ANK1: variants seen among roughly 807,000 people sequenced by gnomAD.
ANK1 encodes the protein ankyrin 1.
A neutral mutation model predicts 210.4 loss-of-function variants in ANK1; 51 were observed. The observed-to-expected ratio is 0.24, with a 90% CI of 0.19 to 0.31. The LOEUF (loss-of-function observed/expected upper bound fraction) is 0.31. ANK1 is among the 10% of genes least tolerant of loss of function. The pLI is 1.00. For synonymous variants in ANK1, 967 were observed against 1,025.9 expected, an observed-to-expected ratio of 0.94 and a Z score of 1.10; for missense variants, 2,051 against 2,504.4, an observed-to-expected ratio of 0.82 and a Z score of 3.86.
intron 1 of ANK1, among the ~76,000 whole-genome samples, chr8:41,815,066 A>G (rs931111905): frequency 1.3e-5 from 2 of 152,234 alleles, no homozygotes; most frequent in African/African-American, 4.8e-5. Flanking sequence ...TACCAATATC[A>G]AAAGGTTTAA....
intron 1 of ANK1, among the ~76,000 whole-genome samples, chr8:41,875,235 T>G (rs1460742717): frequency 1.3e-5 from 2 of 152,172 alleles, no homozygotes; most frequent in East Asian, 3.9e-4. Context: ...CAGGAGACCC[T>G]AAAGACTCTG....
At chr8:41,733,325 G>A (rs1348572596) in intron 3 of ANK1, among the ~76,000 whole-genome samples, 6 of 152,142 alleles carry the variant, frequency 3.9e-5, no homozygotes, top group Admixed American at 3.9e-4. Context: ...AAGACTTGCT[G>A]GAGAAGGAGA....
chr8:41,890,681 C>T (rs1008731544), intron 1 of ANK1, among the ~76,000 whole-genome samples: 1 of 146,152 alleles, frequency 6.8e-6, no homozygotes, highest in Non-Finnish European at 1.5e-5. Context: ...TATACTCCAG[C>T]CTGGGTGACA....
At position 41,672,398 on chromosome 8, in the gene ANK1, T is replaced by C. The variant is rs1209256239; in HGVS notation, c.5052A>G (p.Thr1684=). 9 of 1,614,192 alleles carry C rather than the reference T, an allele frequency of 5.6e-6. No individual in the cohort carries two copies. The South Asian group carries it at 6.6e-5, about 12-fold the overall frequency. ...SGHQRGQARI[T]HSPTVSQVTE... is the part of the protein sequence containing the mutation. ...TCACCTGACTCACGGTGGGGGAATGTGTGATTCGGGCTTGCCCCCTCTGAT... is the reference window on the plus strand; with the variant it reads ...TCACCTGACTCACGGTGGGGGAATGCGTGATTCGGGCTTGCCCCCTCTGAT... The change falls in exon 38 of 43, where the codon ACA becomes ACG. Residue 1684 remains threonine, a synonymous_variant. Coordinates refer to ENST00000289734, the MANE Select transcript of ANK1 (RefSeq NM_000037.4).
chr8:41,696,972 C>T (rs1052600818), intron 24 of ANK1, among the ~76,000 whole-genome samples, 199 bp from the exon 25 acceptor site: 2 of 152,190 alleles, frequency 1.3e-5, no homozygotes, highest in African/African-American at 4.8e-5. Flanking sequence ...CTCCCACCTC[C>T]ATGCCTCTCC....
chr8:41,658,579 T>C (rs1806580816), intron 42 of ANK1, among the ~76,000 whole-genome samples: 1 of 152,182 alleles, frequency 6.6e-6, no homozygotes, highest in Non-Finnish European at 1.5e-5. Flanking sequence ...CCATTTGCCA[T>C]AGCTCTGTTC....
intron 1 of ANK1, among the ~76,000 whole-genome samples, chr8:41,825,128 A>T (rs552138777): frequency 1.3e-5 from 2 of 152,340 alleles, no homozygotes; most frequent in Non-Finnish European, 2.9e-5. Context: ...GGAAACAGGA[A>T]CTTCGGCCGC....
Position 41,694,865 on chromosome 8 carries a change from G to A in ANK1, c.3116-62C>T, listed in dbSNP as rs1217144999. ...TCAGGCACAGGTTCAGGACTTCCAG[G>A]GGCCCCAGAGTCTCCTTGTCCCCAA... is the stretch of plus-strand genomic sequence containing the variant. On this transcript the variant is annotated intron_variant, in intron 27 of 42. Transcript: ENST00000289734. This position sits in a 1 kb window ranked among gnomAD's most constrained non-coding sequence, Gnocchi z 5.7. 1 of 1,550,076 alleles carries A rather than the reference G, an allele frequency of 6.5e-7. No homozygotes were observed. The highest frequency in any genetic ancestry group is 1.7e-5 in the Admixed American group (1 of 57,712).
chr8:41,718,987 G>T (rs1363300933), intron 10 of ANK1, among the ~76,000 whole-genome samples: 1 of 152,254 alleles, frequency 6.6e-6, no homozygotes, highest in Non-Finnish European at 1.5e-5. Context: ...GAGCGAGTGA[G>T]TGAATGAGTG....
intron 1 of ANK1, among the ~76,000 whole-genome samples, chr8:41,763,361 T>C (rs1445763857): frequency 6.6e-6 from 1 of 152,170 alleles, no homozygotes; most frequent in Non-Finnish European, 1.5e-5. Context: ...GGGACAAATG[T>C]ATTACCAGCA....
chr8:41,735,321 A>G (rs1394008548), intron 2 of ANK1, among the ~76,000 whole-genome samples: 2 of 152,152 alleles, frequency 1.3e-5, no homozygotes, highest in African/African-American at 4.8e-5. Flanking sequence ...CGTACAGAAA[A>G]TGATTTTAGT....
At chr8:41,824,617 A>T (rs75580849) in intron 1 of ANK1, among the ~76,000 whole-genome samples, 3,994 of 152,302 alleles carry the variant, frequency 0.026, 161 homozygotes, top group African/African-American at 0.087. Flanking sequence ...TCTATTCTGC[A>T]TAAAGATGGG....
chr8:41,656,245 G>A (rs896717814), intron 42 of ANK1, among the ~76,000 whole-genome samples: 2 of 152,270 alleles, frequency 1.3e-5, no homozygotes, highest in African/African-American at 4.8e-5. Flanking sequence ...AACATGCACT[G>A]ATGTCCGCCA....
At chr8:41,785,484 G>T (rs1015742478) in intron 1 of ANK1, among the ~76,000 whole-genome samples, 3 of 152,230 alleles carry the variant, frequency 2.0e-5, no homozygotes, top group African/African-American at 7.2e-5. Context: ...CTACGGAGAG[G>T]TGAGTAAATC....
At position 41,686,910 on chromosome 8, in the gene ANK1, G is replaced by A. The variant is rs115308822; in HGVS notation, c.4259-627C>T. Among the ~76,000 whole-genome samples, 186 of 152,322 alleles carry A rather than the reference G, an allele frequency of 1.2e-3. 1 individual carries two copies. The highest frequency in any genetic ancestry group is 4.4e-3 in the African/African-American group (181 of 41,572). On this transcript the variant is annotated intron_variant, in intron 35 of 42. Transcript: ENST00000289734. ...AGCATTAGAGTCTAATTTCAAGGAT[G>A]AAGAAGACTGGGGAGAAAGTGATGG...
In ANK1 at chr8:41,884,550, A is replaced by T. The variant is rs149967775; in HGVS notation, c.126+11805T>A. ...AGGAGGTGAAGCTTAAAGGATGAGTAGAGGCCGAGCACCGCGGCTCGCATC... is the reference window on the plus strand; with the variant it reads ...AGGAGGTGAAGCTTAAAGGATGAGTTGAGGCCGAGCACCGCGGCTCGCATC... On this transcript the variant is annotated intron_variant, in intron 1 of 42. Coordinates refer to the ANK1 transcript ENST00000265709. Among the ~76,000 whole-genome samples, 323 of 152,178 alleles carry T rather than the reference A, an allele frequency of 2.1e-3. 2 individuals carry two copies. The highest frequency in any genetic ancestry group is 7.2e-3 in the African/African-American group (301 of 41,536).
At position 41,703,422 on chromosome 8, in the gene ANK1, GTATATA is replaced by G. The variant is rs57077078; in HGVS notation, c.2295+613_2295+618del. 0.014 allele frequency among the ~76,000 whole-genome samples: 764 copies of G among 53,744 alleles called. 66 individuals are homozygous for G. In the East Asian group the frequency reaches 0.22, roughly 15 times the overall value. 35.3% of individuals were successfully genotyped at this position (53,744 alleles called of 152,430 possible). ...TATATGTGTGTGTGTGTGTGTGTGTGTATATATATATATATATATATATATATATTT... is the reference window on the plus strand; with the variant it reads ...TATATGTGTGTGTGTGTGTGTGTGTGTATATATATATATATATATATATTT... On this transcript the variant is annotated intron_variant, in intron 20 of 42. Transcript: ENST00000289734.
At chr8:41,805,223 C>CTG (rs1400998218) in intron 1 of ANK1, among the ~76,000 whole-genome samples, 7 of 151,054 alleles carry the variant, frequency 4.6e-5, no homozygotes, top group African/African-American at 1.7e-4. Flanking sequence ...CTCTCTCTCT[C>CTG]TGTCTCTCTC....
chr8:41,839,840 G>T (rs991101799), intron 1 of ANK1, among the ~76,000 whole-genome samples: 1 of 152,086 alleles, frequency 6.6e-6, no homozygotes, highest in African/African-American at 2.4e-5. Flanking sequence ...AGGACATGAG[G>T]AAAAATATAA....
Sources: allele counts gnomAD v4.1 joint callset (sites outside exome capture counted in the v4.1 genomes callset), GRCh38; gene constraint gnomAD v4.1.1; non-coding constraint Gnocchi (gnomAD v3.1); transcripts MANE v1.5; gene names NCBI Gene and HGNC (gene_info 2026-07-23, HGNC 2026-07-21).